VPS13B: variants seen among roughly 807,000 people sequenced by gnomAD.
VPS13B encodes intermembrane lipid transfer protein VPS13B.
Under a neutral mutation model 426.4 loss-of-function variants are expected in VPS13B, and 285 were observed. The observed-to-expected ratio is 0.67, with a 90% CI of 0.61 to 0.74. The LOEUF (loss-of-function observed/expected upper bound fraction) is 0.74. VPS13B is among the 30% of genes least tolerant of loss of function. The pLI is 0.00. For synonymous variants in VPS13B, 1,676 were observed against 1,676.4 expected (o/e 1.00, Z 0.01); for missense variants, 4,537 against 4,782.6 (o/e 0.95, Z 1.51).
intron 34 of VPS13B, among the ~76,000 whole-genome samples, chr8:99,654,065 T>C (rs1431465378): frequency 6.6e-6 from 1 of 151,674 alleles, no homozygotes; most frequent in Admixed American, 6.6e-5. Context: ...ATATATTTTT[T>C]TGGGACAGAG....
chr8:99,589,071 A>G (rs1177301974), intron 33 of VPS13B, among the ~76,000 whole-genome samples: 1 of 151,660 alleles, frequency 6.6e-6, no homozygotes, highest in East Asian at 1.9e-4. Flanking sequence ...GGTTTTTGTC[A>G]TTGGTTCTGT....
chr8:99,433,415 A>C (rs997433753), intron 22 of VPS13B, among the ~76,000 whole-genome samples: 3 of 152,134 alleles, frequency 2.0e-5, no homozygotes, highest in Non-Finnish European at 4.4e-5. Context: ...ATTAAGAATG[A>C]CTCCTTACAT....
intron 39 of VPS13B, among the ~76,000 whole-genome samples, chr8:99,731,979 A>G (rs1427527079): frequency 6.6e-6 from 1 of 151,864 alleles, no homozygotes. Context: ...TAAATGGGGG[A>G]CCTCCTCTCC....
At chr8:99,359,927 C>G (rs1812405360) in intron 19 of VPS13B, among the ~76,000 whole-genome samples, 1 of 152,002 alleles carries the variant, frequency 6.6e-6, no homozygotes, top group Non-Finnish European at 1.5e-5. Context: ...CTCAGCCTTC[C>G]AAGTAACTGG....
At chr8:99,733,455 TAGG>T (rs1210909624) in intron 39 of VPS13B, among the ~76,000 whole-genome samples, 16 of 152,216 alleles carry the variant, frequency 1.1e-4, no homozygotes, top group African/African-American at 3.9e-4. Context: ...ATTCAGTTGT[TAGG>T]AGGAATAAAT....
At chr8:99,351,669 A>G (rs553049897) in intron 19 of VPS13B, among the ~76,000 whole-genome samples, 1 of 152,140 alleles carries the variant, frequency 6.6e-6, no homozygotes, top group South Asian at 2.1e-4. Context: ...TTATTTTATT[A>G]TATAATAAAT....
chr8:99,308,658 A>G (rs1363642049), intron 19 of VPS13B, among the ~76,000 whole-genome samples: 1 of 152,160 alleles, frequency 6.6e-6, no homozygotes, highest in Non-Finnish European at 1.5e-5. Flanking sequence ...ATGTGTCTTT[A>G]TAGCAGCATG....
At chr8:99,512,664 CAA>C (rs1821851997) in intron 29 of VPS13B, among the ~76,000 whole-genome samples, 1 of 152,084 alleles carries the variant, frequency 6.6e-6, no homozygotes, top group Non-Finnish European at 1.5e-5. Context: ...CTTTATTACA[CAA>C]AATTTATCAG....
rs1397029655 is a variant in VPS13B, at chr8:99,505,861, A to G, written c.4158-1276A>G. Among the ~76,000 whole-genome samples the G allele has an allele frequency of 3.3e-5, 5 of 152,292 alleles. No individual in the cohort carries two copies. The East Asian group carries it at 9.7e-4, about 29-fold the overall frequency. ...CGAGGTATGCCTGTACTTATTCTCA[A>G]AGAGGGTTCTTAACAGATACATTGA... On this transcript the variant is annotated intron_variant, in intron 27 of 61. Transcript: ENST00000357162.
intron 33 of VPS13B, among the ~76,000 whole-genome samples, chr8:99,636,560 T>C (rs1364460737): frequency 6.6e-6 from 1 of 152,024 alleles, no homozygotes; most frequent in Admixed American, 6.6e-5. Context: ...CTTACATTCA[T>C]ATGTTAAGAG....
At chr8:99,837,564 G>T (rs1815459908) in intron 54 of VPS13B, among the ~76,000 whole-genome samples, 1 of 152,082 alleles carries the variant, frequency 6.6e-6, no homozygotes, top group Admixed American at 6.5e-5. Context: ...TGTAGTCAGG[G>T]ATACTTCAAA....
intron 3 of VPS13B, among the ~76,000 whole-genome samples, chr8:99,086,046 CAG>C (rs1397857880): frequency 4.6e-5 from 7 of 152,196 alleles, no homozygotes; most frequent in African/African-American, 1.7e-4. Flanking sequence ...TAATATCCTG[CAG>C]AGTGTTTTCC....
At chr8:99,660,119 A>G (rs936536701) in intron 34 of VPS13B, among the ~76,000 whole-genome samples, 2 of 152,236 alleles carry the variant, frequency 1.3e-5, no homozygotes, top group African/African-American at 4.8e-5. Flanking sequence ...ATATAAAAAG[A>G]GAAGACTGCA....
In VPS13B at chr8:99,156,800, A is replaced by G. The variant is rs1811387338; in HGVS notation, c.2208+57A>G. On this transcript the variant is annotated intron_variant, in intron 15 of 61. Transcript: ENST00000357162. The stretch of plus-strand genomic sequence containing the variant: ...ATGGGTTTGGCTTTGGGATCATCAG[A>G]TAAGTTTCTTTTTTCTTGATGTTGT... 5.1e-6 allele frequency: 8 copies of G among 1,567,400 alleles called. No homozygotes were observed. In the South Asian group the frequency reaches 6.8e-5, roughly 13 times the overall value.
chr8:99,436,351 G>C (rs1037008765), intron 22 of VPS13B, among the ~76,000 whole-genome samples: 3 of 151,930 alleles, frequency 2.0e-5, no homozygotes, highest in African/African-American at 7.3e-5. Flanking sequence ...ATATCACTTT[G>C]AATTAATTGT....
At chr8:99,276,483 C>A (rs1361306854) in intron 19 of VPS13B, among the ~76,000 whole-genome samples, 3 of 152,090 alleles carry the variant, frequency 2.0e-5, no homozygotes, top group Non-Finnish European at 4.4e-5. Context: ...TCTTAAAGGG[C>A]CTGACAGCTA....
intron 33 of VPS13B, among the ~76,000 whole-genome samples, chr8:99,584,670 A>G (rs552929320): frequency 6.6e-6 from 1 of 152,338 alleles, no homozygotes; most frequent in South Asian, 2.1e-4. Flanking sequence ...TCTATGGAAA[A>G]TTAGACTTAT....
At chr8:99,604,112 G>A (rs1314152986) in intron 33 of VPS13B, among the ~76,000 whole-genome samples, 1 of 152,054 alleles carries the variant, frequency 6.6e-6, no homozygotes, top group Non-Finnish European at 1.5e-5. Context: ...CCAAAAAAGA[G>A]GTAGATTCAG....
In VPS13B at chr8:99,143,040, C is replaced by G; in HGVS notation, c.1718C>G (p.Ser573Cys). 6.2e-7 allele frequency: 1 copy of G among 1,613,998 alleles called. No individual in the cohort carries two copies. Residue 573 changes from serine (S) to cysteine (C), a missense_variant, in exon 13 of 62, where the codon TCC becomes TGC. Ser to Cys is a moderately radical substitution (Grantham distance 112, BLOSUM62 -1). Around this residue, in one of 2 missense-constraint regions of VPS13B, gnomAD observed 4,311 missense variants for 4,474.3 expected, o/e 0.96. Transcript: ENST00000357162. Reference sequence around the variant, plus strand: ...GATTTGGGAACAGTTCAGGAGAAGTCCACCAAAAGCCTTGTTATAGGTCCT... The same window carrying G: ...GATTTGGGAACAGTTCAGGAGAAGTGCACCAAAAGCCTTGTTATAGGTCCT... ...SEDLGTVQEK[S>C]TKSLVIGPLD...
Sources: gnomAD v4.1 joint callset for allele counts (sites outside exome capture counted in the v4.1 genomes callset) on GRCh38, gnomAD v4.1.1 for gene constraint, gnomAD v4.1.1 regional missense constraint, MANE v1.5 for transcripts, NCBI Gene and HGNC (gene_info 2026-07-23, HGNC 2026-07-21) for gene names.